CFTR: variants seen among roughly 807,000 people sequenced by gnomAD.
The protein encoded by CFTR is cystic fibrosis transmembrane conductance regulator.
A neutral mutation model predicts 171.6 loss-of-function variants in CFTR; 181 were observed. The observed-to-expected ratio is 1.05, with a 90% CI of 0.93 to 1.19. The LOEUF is 1.19. Among genes scored for constraint, CFTR ranks in the 50% most tolerant of loss-of-function variants. CFTR has a pLI of 0.00. For synonymous variants in CFTR, 583 were observed against 608.0 expected (o/e 0.96, Z 0.60); for missense variants, 1,968 against 1,734.7 (o/e 1.13, Z -2.39).
chr7:117,509,288 T>C (rs753550429), intron 3 of CFTR, 146 bp downstream of exon 3: 22 of 651,842 alleles, frequency 3.4e-5, no homozygotes, highest in Non-Finnish European at 5.7e-5. Flanking sequence ...CCTAAAACTC[T>C]AGTAAGGATA....
In CFTR at chr7:117,614,675, C is replaced by T. The variant is rs397508560; in HGVS notation, c.3430C>T (p.Gln1144Ter). The T allele has an allele frequency of 6.2e-7, 1 of 1,612,222 alleles. No homozygotes were observed. Among genetic ancestry groups the T allele is most frequent in the Non-Finnish European group, 8.5e-7 (1 of 1,178,632 alleles). The stretch of plus-strand genomic sequence containing the variant: ...AGCCATGAATATCATGAGTACATTG[C>T]AGTGGGCTGTAAACTCCAGCATAGA... The part of the protein sequence containing the change: ...TLAMNIMSTL[Q>*]WAVNSSIDVD... Residue 1144 changes from glutamine (Q) to a stop codon, truncating the protein, a stop_gained, in exon 21 of 27, where the codon CAG becomes TAG. Transcript: ENST00000003084. LOFTEE classifies it high-confidence loss of function.
chr7:117,623,646 C>T (rs59519859), intron 21 of CFTR, among the ~76,000 whole-genome samples: 5 of 152,254 alleles, frequency 3.3e-5, no homozygotes, highest in Admixed American at 1.3e-4. Context: ...GAGGCTGAGG[C>T]GCTGAGGGGT....
intron 3 of CFTR, among the ~76,000 whole-genome samples, chr7:117,514,828 C>A (rs1798574062): frequency 1.3e-5 from 2 of 152,118 alleles, no homozygotes; most frequent in South Asian, 4.1e-4. Context: ...CTATTGTTTC[C>A]TAACATTTTA....
rs762831873 is a variant in CFTR, at chr7:117,611,781, G to C, written c.3340G>C (p.Val1114Leu). 3.6e-5 allele frequency: 58 copies of C among 1,612,174 alleles called. No individual in the cohort carries two copies. The highest frequency in any genetic ancestry group is 4.8e-5 in the Non-Finnish European group (57 of 1,178,970). ...EMIFVIFFIA[V>L]TFISILTTGE... ...GATTTTTGTCATCTTCTTCATTGCT[G>C]TTACCTTCATTTCCATTTTAACAAC... The change falls in exon 20 of 27, where the codon GTT becomes CTT. Residue 1114 changes from valine to leucine, a missense_variant. Val to Leu is a conservative substitution (Grantham distance 32, BLOSUM62 1). Coordinates refer to ENST00000003084, the MANE Select transcript of CFTR (RefSeq NM_000492.4).
chr7:117,623,611 T>A (rs996732321), intron 21 of CFTR, among the ~76,000 whole-genome samples: 1 of 152,198 alleles, frequency 6.6e-6, no homozygotes, highest in Admixed American at 6.5e-5. Context: ...AACTTCCATC[T>A]CATCCAAACA....
chr7:117,503,474 A>G (rs1303478036), intron 1 of CFTR, among the ~76,000 whole-genome samples: 1 of 152,178 alleles, frequency 6.6e-6, no homozygotes, highest in Non-Finnish European at 1.5e-5. Flanking sequence ...TCTTCTTTCT[A>G]GATTTTCCTA....
intron 11 of CFTR, among the ~76,000 whole-genome samples, chr7:117,566,160 G>A (rs1193719442): frequency 2.6e-5 from 4 of 152,064 alleles, no homozygotes; most frequent in South Asian, 2.1e-4. Context: ...GAGGCCAGGC[G>A]TGGTGTCTCA....
intron 9 of CFTR, among the ~76,000 whole-genome samples, chr7:117,545,021 G>C (rs1174937448): frequency 6.6e-6 from 1 of 152,206 alleles, no homozygotes. Context: ...TTTTCATGTT[G>C]CTGATAAAGA....
intron 1 of CFTR, among the ~76,000 whole-genome samples, chr7:117,500,278 CTTTTTTTT>C (rs745627454): frequency 4.4e-4 from 34 of 76,488 alleles, no homozygotes; most frequent in African/African-American, 1.4e-3. Context: ...TTCTTCCTTT[CTTTTTTTT>C]TTTTTTTTTT....
chr7:117,665,854 C>A (rs1278919359), intron 26 of CFTR, among the ~76,000 whole-genome samples: 1 of 152,158 alleles, frequency 6.6e-6, no homozygotes, highest in East Asian at 1.9e-4. Context: ...CCAAGTCATA[C>A]AAAATACTCT....
chr7:117,618,231 T>A (rs371471892), intron 21 of CFTR, among the ~76,000 whole-genome samples: 2 of 152,254 alleles, frequency 1.3e-5, no homozygotes, highest in East Asian at 3.9e-4. Flanking sequence ...TCAGAAACCA[T>A]ATCTTGATGA....
At position 117,667,707 on chromosome 7, in the gene CFTR, A is replaced by C. The variant is rs1793408745; in HGVS notation, c.*599A>C. ...CTGCACATCAAAATATGCCCCATTC[A>C]ACATCTAGTGAGCAGTCAGGAAAGA... On this transcript the variant is annotated 3_prime_UTR_variant, in exon 27 of 27. Coordinates refer to ENST00000003084, the MANE Select transcript of CFTR (RefSeq NM_000492.4). 1 of 169,434 alleles carries C rather than the reference A, an allele frequency of 5.9e-6. No homozygotes were observed. The highest frequency in any genetic ancestry group is 1.3e-5 in the Non-Finnish European group (1 of 77,568). 10.5% of individuals were successfully genotyped at this position (169,434 alleles called of 1,614,324 possible). A position where few individuals can be genotyped will look rare whatever the true frequency, so the allele number is the denominator to read the frequency against.
At chr7:117,552,043 T>C (rs892105665) in intron 10 of CFTR, among the ~76,000 whole-genome samples, 1 of 152,170 alleles carries the variant, frequency 6.6e-6, no homozygotes, top group Non-Finnish European at 1.5e-5. Context: ...TTGGGAGATA[T>C]GAAGTTAAAA....
chr7:117,634,547 G>A lies in CFTR; in HGVS notation c.3717+6777G>A, dbSNP rs34511406. ...CTTTTGCTAGTTATCCAAGGTGGAA[G>A]CTTATATTGTTAAGATCCTTTTGCA... On this transcript the variant is annotated intron_variant, in intron 22 of 26. Coordinates refer to ENST00000003084, the MANE Select transcript of CFTR (RefSeq NM_000492.4). Among the ~76,000 whole-genome samples, 425 of 152,120 alleles carry A rather than the reference G, an allele frequency of 2.8e-3. 1 individual carries two copies. The highest frequency in any genetic ancestry group is 9.8e-3 in the African/African-American group (408 of 41,552).
chr7:117,555,209 A>G (rs1439676853), intron 10 of CFTR, among the ~76,000 whole-genome samples: 1 of 152,222 alleles, frequency 6.6e-6, no homozygotes, highest in African/African-American at 2.4e-5. Context: ...ATTTGCTACT[A>G]TAAAATATAC....
chr7:117,651,027 GCT>G (rs1793081748), intron 23 of CFTR, among the ~76,000 whole-genome samples: 1 of 152,092 alleles, frequency 6.6e-6, no homozygotes, highest in Non-Finnish European at 1.5e-5. Context: ...TCTCCAACCT[GCT>G]GTTTCTTCAT....
chr7:117,567,657 T>A (rs1466247120), intron 11 of CFTR, among the ~76,000 whole-genome samples: 1 of 152,192 alleles, frequency 6.6e-6, no homozygotes, highest in Non-Finnish European at 1.5e-5. Flanking sequence ...GAGTTCGTAT[T>A]TGTAATGAGT....
chr7:117,567,204 G>A (rs1016791841), intron 11 of CFTR, among the ~76,000 whole-genome samples: 1 of 152,128 alleles, frequency 6.6e-6, no homozygotes, highest in Non-Finnish European at 1.5e-5. Flanking sequence ...TACACTCTTA[G>A]CGTTTTCTAT....
intron 3 of CFTR, among the ~76,000 whole-genome samples, chr7:117,513,656 A>G (rs903539932): frequency 5.3e-5 from 8 of 152,216 alleles, no homozygotes; most frequent in African/African-American, 1.7e-4. Context: ...AATTCTGTGC[A>G]TAGAGAGCCT....
Sources: gnomAD v4.1 joint callset for allele counts (sites outside exome capture counted in the v4.1 genomes callset) on GRCh38, gnomAD v4.1.1 for gene constraint, MANE v1.5 for transcripts, NCBI Gene and HGNC (gene_info 2026-07-23, HGNC 2026-07-21) for gene names.